Variants in TAFA1 observed in about 807,000 individuals in gnomAD.
The protein encoded by TAFA1 is chemokine-like protein TAFA-1.
A neutral mutation model predicts 18.5 loss-of-function variants in TAFA1; 4 were observed. That is an observed-to-expected ratio of 0.22 (90% CI 0.11 to 0.49). TAFA1 has a LOEUF of 0.49. Ranked by LOEUF, TAFA1 falls within the 20% of genes least tolerant of loss-of-function variation. The pLI, the probability that TAFA1 is intolerant of heterozygous loss-of-function variation, is 0.98. For synonymous variants in TAFA1, 56 were observed against 55.2 expected (o/e 1.01, Z -0.06); for missense variants, 147 against 169.0 (o/e 0.87, Z 0.72).
rs576681624 is a variant in TAFA1, at chr3:68,365,858, C to T, written c.119-51422C>T. 7.9e-3 allele frequency among the ~76,000 whole-genome samples: 1,206 copies of T among 152,098 alleles called. 3 individuals carry two copies. The highest frequency in any genetic ancestry group is 0.014 in the Middle Eastern group (4 of 294). On this transcript the variant is annotated intron_variant, in intron 2 of 4. Coordinates refer to ENST00000478136, the MANE Select transcript of TAFA1 (RefSeq NM_213609.4). The stretch of plus-strand genomic sequence containing the variant: ...CTCCCAGCACTTTGGTAGGCCAAGG[C>T]GGGCGGATCACAAGGTCAGGAGTTC...
chr3:68,463,063 G>A (rs562798074), intron 3 of TAFA1, among the ~76,000 whole-genome samples: 128 of 152,268 alleles, frequency 8.4e-4, no homozygotes, highest in African/African-American at 2.8e-3. Flanking sequence ...GGGACCTTGT[G>A]TGATCCCTAG....
At chr3:68,250,605 C>G (rs2067176792) in intron 2 of TAFA1, among the ~76,000 whole-genome samples, 1 of 152,072 alleles carries the variant, frequency 6.6e-6, no homozygotes, top group African/African-American at 2.4e-5. Flanking sequence ...TGTACTCAGT[C>G]AGCTAAGAGG....
intron 2 of TAFA1, among the ~76,000 whole-genome samples, chr3:68,121,289 GTA>G (rs929852484): frequency 3.8e-5 from 5 of 130,036 alleles, no homozygotes; most frequent in African/African-American, 1.4e-4. Flanking sequence ...GTGTGTGTGT[GTA>G]TACTATGTAT....
At chr3:68,057,565 T>A (rs951897408) in intron 2 of TAFA1, among the ~76,000 whole-genome samples, 4 of 152,230 alleles carry the variant, frequency 2.6e-5, no homozygotes, top group Non-Finnish European at 5.9e-5. Context: ...GTGTGTGATA[T>A]GCAAAATAAG....
At chr3:68,501,041 G>C (rs1049856829) in intron 3 of TAFA1, among the ~76,000 whole-genome samples, 1 of 151,256 alleles carries the variant, frequency 6.6e-6, no homozygotes, top group African/African-American at 2.4e-5. Flanking sequence ...TATAGTCCCA[G>C]CTACTCGGGA....
At chr3:68,188,867 T>C (rs187947481) in intron 2 of TAFA1, among the ~76,000 whole-genome samples, 71 of 152,004 alleles carry the variant, frequency 4.7e-4, no homozygotes, top group African/African-American at 1.2e-3. Context: ...TTTGTTCGTT[T>C]GTTTGTTTGT....
At chr3:68,353,787 CAA>C in intron 2 of TAFA1, among the ~76,000 whole-genome samples, 1 of 152,098 alleles carries the variant, frequency 6.6e-6, no homozygotes, top group East Asian at 1.9e-4. Context: ...ATGAACTCCG[CAA>C]GCAAAATCCA....
rs375729079 is a variant in TAFA1, at chr3:68,491,664, C to G, written c.260-47092C>G. On this transcript the variant is annotated intron_variant, in intron 3 of 4. Transcript: ENST00000478136. ...ATGTAACTAACCTGCACATTGTGCA[C>G]ATGTACCCTAAAACTTAAAGTATAA... Among the ~76,000 whole-genome samples the G allele has an allele frequency of 2.1e-4, 32 of 149,110 alleles. No homozygotes were observed. The East Asian group carries it at 4.6e-3, about 22-fold the overall frequency.
At chr3:68,493,019 A>G (rs1270608568) in intron 3 of TAFA1, among the ~76,000 whole-genome samples, 3 of 152,148 alleles carry the variant, frequency 2.0e-5, no homozygotes, top group East Asian at 3.9e-4. Flanking sequence ...AGTACTTACC[A>G]TCTTAGCCAT....
intron 3 of TAFA1, among the ~76,000 whole-genome samples, chr3:68,501,731 G>A (rs115998075): frequency 0.012 from 1,808 of 152,248 alleles, 27 homozygotes; most frequent in Non-Finnish European, 0.015. Flanking sequence ...TTTGACCATA[G>A]CCAAAAGGAG....
chr3:68,049,045 T>C (rs182852035), intron 2 of TAFA1, among the ~76,000 whole-genome samples: 2 of 152,308 alleles, frequency 1.3e-5, no homozygotes, highest in African/African-American at 4.8e-5. Flanking sequence ...TGAACTGTTC[T>C]CCATAGTGAT....
intron 2 of TAFA1, among the ~76,000 whole-genome samples, chr3:68,072,809 G>A (rs1032074714): frequency 6.6e-6 from 1 of 152,176 alleles, no homozygotes; most frequent in South Asian, 2.1e-4. Context: ...TGGATGTGAA[G>A]TTTAGTGACT....
chr3:68,205,961 T>C (rs1575678969), intron 2 of TAFA1, among the ~76,000 whole-genome samples: 1 of 151,874 alleles, frequency 6.6e-6, no homozygotes, highest in African/African-American at 2.4e-5. Flanking sequence ...AATGAAAGTA[T>C]AGTCACCATG....
At chr3:68,539,592 A>G (rs374001327) in intron 4 of TAFA1, among the ~76,000 whole-genome samples, 7 of 149,458 alleles carry the variant, frequency 4.7e-5, no homozygotes, top group African/African-American at 9.8e-5. Context: ...AAGTATGTCT[A>G]TTTGACAAGT....
chr3:68,454,941 A>G (rs972118646), intron 3 of TAFA1, among the ~76,000 whole-genome samples: 1 of 152,084 alleles, frequency 6.6e-6, no homozygotes, highest in Non-Finnish European at 1.5e-5. Flanking sequence ...ACAGTCAAAA[A>G]TCCATCTATA....
intron 2 of TAFA1, among the ~76,000 whole-genome samples, chr3:68,029,120 T>C (rs923071015): frequency 3.3e-5 from 5 of 152,118 alleles, no homozygotes; most frequent in Admixed American, 2.6e-4. Context: ...GGTAAGCTCC[T>C]TCTCTCAAGA....
chr3:68,371,145 T>C (rs562970011), intron 2 of TAFA1, among the ~76,000 whole-genome samples: 2 of 152,308 alleles, frequency 1.3e-5, no homozygotes, highest in Admixed American at 6.5e-5. Context: ...TCCACTCTTA[T>C]TATAAAGAAA....
rs542391113 is a variant in TAFA1, at chr3:68,070,729, G to C, written c.118+63985G>C. Among the ~76,000 whole-genome samples, 12 of 152,302 alleles carry C rather than the reference G, an allele frequency of 7.9e-5. No individual in the cohort carries two copies. In the South Asian group the frequency reaches 2.5e-3, roughly 32 times the overall value. On this transcript the variant is annotated intron_variant, in intron 2 of 4. Coordinates refer to ENST00000478136, the MANE Select transcript of TAFA1 (RefSeq NM_213609.4). The stretch of plus-strand genomic sequence containing the variant: ...CACCTCTTGAATGTTTTGCTGCTTA[G>C]AAATTTCTTCCTCCAGATAACCTAA...
chr3:68,186,179 G>A (rs919150800), intron 2 of TAFA1, among the ~76,000 whole-genome samples: 12 of 152,060 alleles, frequency 7.9e-5, no homozygotes, highest in African/African-American at 2.7e-4. Context: ...ATATCATCTT[G>A]AGGGTCTTTT....
Sources: gnomAD v4.1 joint callset for allele counts (sites outside exome capture counted in the v4.1 genomes callset) on GRCh38, gnomAD v4.1.1 for gene constraint, MANE v1.5 for transcripts, NCBI Gene and HGNC (gene_info 2026-07-23, HGNC 2026-07-21) for gene names.